RAB7A: variants seen among roughly 807,000 people sequenced by gnomAD.
RAB7A encodes the protein ras-related protein Rab-7a.
In RAB7A, 2 loss-of-function variants were observed where a neutral mutation model predicts 24.5. The observed-to-expected ratio is 0.08, with a 90% CI of 0.03 to 0.26. The LOEUF (loss-of-function observed/expected upper bound fraction) is 0.26, where lower values mean the gene tolerates loss of function less well. RAB7A is among the 10% of genes least tolerant of loss of function. The pLI, the probability that RAB7A is intolerant of heterozygous loss-of-function variation, is 1.00. For synonymous variants in RAB7A, 100 were observed against 95.9 expected, an observed-to-expected ratio of 1.04 and a Z score of -0.25; for missense variants, 118 against 255.7, an observed-to-expected ratio of 0.46 and a Z score of 3.67.
chr3:128,744,855 ACTTTTTCTTTTTTT>A (rs1277979938), intron 1 of RAB7A, among the ~76,000 whole-genome samples: 21 of 149,664 alleles, frequency 1.4e-4, no homozygotes, highest in Middle Eastern at 3.2e-3. Context: ...CTCTGAAGTC[ACTTTTTCTTTTTTT>A]CTTTTTCTTT....
chr3:128,744,134 G>A (rs1405274684), intron 1 of RAB7A, among the ~76,000 whole-genome samples: 1 of 151,906 alleles, frequency 6.6e-6, no homozygotes, highest in Non-Finnish European at 1.5e-5. Context: ...CATGCCTGTA[G>A]TCCAGCTACT....
intron 1 of RAB7A, among the ~76,000 whole-genome samples, chr3:128,786,546 G>A (rs555047797): frequency 6.6e-6 from 1 of 152,200 alleles, no homozygotes; most frequent in Admixed American, 6.5e-5. Context: ...GGAAGAAAAT[G>A]AGATGGACAG....
At chr3:128,734,870 C>T (rs989726603) in intron 1 of RAB7A, among the ~76,000 whole-genome samples, 3 of 152,152 alleles carry the variant, frequency 2.0e-5, no homozygotes, top group African/African-American at 7.2e-5. Flanking sequence ...GCCTGTCTTC[C>T]AACTCTAAGC....
At chr3:128,782,988 C>T (rs1458014534) in intron 1 of RAB7A, among the ~76,000 whole-genome samples, 2 of 152,156 alleles carry the variant, frequency 1.3e-5, no homozygotes, top group Non-Finnish European at 2.9e-5. Flanking sequence ...CTGCAGCCCT[C>T]AGGGGAACCT....
chr3:128,775,062 G>A (rs541380753), intron 1 of RAB7A, among the ~76,000 whole-genome samples: 31 of 152,320 alleles, frequency 2.0e-4, no homozygotes, highest in Admixed American at 2.0e-3. Flanking sequence ...GATTACAGGC[G>A]TGAGCCACTG....
chr3:128,737,060 T>A (rs574440932), intron 1 of RAB7A, among the ~76,000 whole-genome samples: 43 of 152,126 alleles, frequency 2.8e-4, no homozygotes, highest in Middle Eastern at 3.4e-3. Context: ...TTTTTTGAGA[T>A]GAAGTCTCCC....
intron 3 of RAB7A, among the ~76,000 whole-genome samples, chr3:128,800,506 G>C (rs1480988017): frequency 6.6e-6 from 1 of 152,158 alleles, no homozygotes; most frequent in Non-Finnish European, 1.5e-5. Flanking sequence ...AACCCCATCA[G>C]GAGATCCACA....
chr3:128,735,171 T>G (rs747922533), intron 1 of RAB7A, among the ~76,000 whole-genome samples: 7 of 152,226 alleles, frequency 4.6e-5, no homozygotes, highest in Non-Finnish European at 1.0e-4. Context: ...TTACTTAGTT[T>G]AGAGTTGTTC....
intron 1 of RAB7A, among the ~76,000 whole-genome samples, chr3:128,741,451 C>G (rs1439462373): frequency 6.6e-6 from 1 of 152,074 alleles, no homozygotes; most frequent in Non-Finnish European, 1.5e-5. Flanking sequence ...ATAGTTTTCC[C>G]AGTATTTTAT....
intron 1 of RAB7A, among the ~76,000 whole-genome samples, chr3:128,791,105 A>G (rs990829167): frequency 1.3e-5 from 2 of 152,090 alleles, no homozygotes; most frequent in Non-Finnish European, 1.5e-5. Context: ...CTTTCAGGAA[A>G]GTGAATTAGC....
At chr3:128,728,218 CG>C (rs1344253872) in intron 1 of RAB7A, among the ~76,000 whole-genome samples, 3 of 152,130 alleles carry the variant, frequency 2.0e-5, no homozygotes, top group African/African-American at 7.2e-5. Flanking sequence ...AATAATTTGG[CG>C]GTAGAACTTG....
chr3:128,766,419 C>T (rs555529844), intron 1 of RAB7A, among the ~76,000 whole-genome samples: 67 of 152,294 alleles, frequency 4.4e-4, no homozygotes, highest in African/African-American at 1.6e-3. Flanking sequence ...AGGTCTTTCA[C>T]TAGGACAGAA....
At chr3:128,743,000 G>A (rs560859028) in intron 1 of RAB7A, among the ~76,000 whole-genome samples, 6 of 152,128 alleles carry the variant, frequency 3.9e-5, no homozygotes, top group Non-Finnish European at 7.4e-5. Context: ...GGGGAGGCTC[G>A]GGCTTCACGG....
intron 3 of RAB7A, 103 bp downstream of exon 3, chr3:128,798,172 T>C (rs1295966172): frequency 8.9e-6 from 13 of 1,456,288 alleles, no homozygotes; most frequent in South Asian, 1.2e-5. Flanking sequence ...TCAAATCTTA[T>C]TATCTTATTT....
chr3:128,729,006 T>G (rs1254243436), intron 1 of RAB7A, among the ~76,000 whole-genome samples: 1 of 152,236 alleles, frequency 6.6e-6, no homozygotes, highest in African/African-American at 2.4e-5. Flanking sequence ...AGGGAAGATT[T>G]GGATTTTACA....
chr3:128,734,152 A>G (rs2070466623), intron 1 of RAB7A, among the ~76,000 whole-genome samples: 1 of 152,168 alleles, frequency 6.6e-6, no homozygotes, highest in Non-Finnish European at 1.5e-5. Context: ...AGGTTCGGCC[A>G]GGCACAGTGG....
intron 1 of RAB7A, among the ~76,000 whole-genome samples, chr3:128,776,460 A>AT (rs887292629): frequency 1.3e-5 from 2 of 151,848 alleles, no homozygotes; most frequent in African/African-American, 4.8e-5. Flanking sequence ...TACTGTATTA[A>AT]TTTTTTTAGA....
chr3:128,805,117 TTTTGTTTGTTTG>T (rs113016574), intron 3 of RAB7A, among the ~76,000 whole-genome samples: 1 of 152,086 alleles, frequency 6.6e-6, no homozygotes, highest in African/African-American at 2.4e-5. Context: ...CCAAGTGTTC[TTTTGTTTGTTTG>T]TTTGTTTGTT....
intron 5 of RAB7A, among the ~76,000 whole-genome samples, 176 bp from the exon 6 acceptor site, chr3:128,813,151 G>A (rs1171263387): frequency 6.6e-6 from 1 of 152,210 alleles, no homozygotes; most frequent in East Asian, 1.9e-4. Flanking sequence ...ACTCCCCTGA[G>A]CATGGCACCT....
Sources: allele counts gnomAD v4.1 joint callset (sites outside exome capture counted in the v4.1 genomes callset), GRCh38; gene constraint gnomAD v4.1.1; transcripts MANE v1.5; gene names NCBI Gene and HGNC (gene_info 2026-07-23, HGNC 2026-07-21).